SLCO4A1: variants seen among roughly 807,000 people sequenced by gnomAD.
SLCO4A1 encodes solute carrier organic anion transporter family member 4A1.
Under a neutral mutation model 64.6 loss-of-function variants are expected in SLCO4A1, and 51 were observed. That is an observed-to-expected ratio of 0.79 (90% CI 0.63 to 1.00). The LOEUF (loss-of-function observed/expected upper bound fraction) is 1.00, where lower values mean the gene tolerates loss of function less well. SLCO4A1 is among the 50% of genes least tolerant of loss of function. The probability of loss-of-function intolerance (pLI) is 0.00; values close to 1 mark genes in which losing one functional copy is unlikely to be tolerated. For missense variants in SLCO4A1, 919 were observed against 980.5 expected, an observed-to-expected ratio of 0.94 and a Z score of 0.84; for synonymous variants, 471 against 444.9, an observed-to-expected ratio of 1.06 and a Z score of -0.74.
chr20:62,660,303 C>A, intron 3 of SLCO4A1, 109 bp from the exon 4 acceptor site: 1 of 1,340,318 alleles, frequency 7.5e-7, no homozygotes, highest in Non-Finnish European at 1.0e-6. Flanking sequence ...AGCGTGCAGA[C>A]AGACCCTGGA....
Position 62,672,168 on chromosome 20 carries a change from G to A in SLCO4A1, c.*275G>A, listed in dbSNP as rs371564834. The A allele has an allele frequency of 7.6e-5, 102 of 1,342,540 alleles. No individual in the cohort carries two copies. The highest frequency in any genetic ancestry group is 4.4e-4 in the African/African-American group (30 of 67,908). The allele number at this position is 1,342,540 out of a possible 1,614,324, so 83.2% of individuals were successfully genotyped here. A position where few individuals can be genotyped will look rare whatever the true frequency, so the allele number is the denominator to read the frequency against. On this transcript the variant is annotated 3_prime_UTR_variant, in exon 12 of 12. Transcript: ENST00000217159. ...TTATACCCGATCGTGTGTGGTGTGCGTGAGGACAAACTCCGCAGGGGCTGT... is the reference window on the plus strand; with the variant it reads ...TTATACCCGATCGTGTGTGGTGTGCATGAGGACAAACTCCGCAGGGGCTGT...
Position 62,668,039 on chromosome 20 carries a change from C to T in SLCO4A1, c.1666C>T (p.Gln556Ter). 1 of 1,614,070 alleles carries T rather than the reference C, an allele frequency of 6.2e-7. No homozygotes were observed. Among genetic ancestry groups the T allele is most frequent in the Non-Finnish European group, 8.5e-7 (1 of 1,180,054 alleles). Residue 556 changes from glutamine to a stop codon, truncating the protein, a stop_gained, in exon 9 of 12, where the codon CAG becomes TAG. Coordinates refer to ENST00000217159, the MANE Select transcript of SLCO4A1 (RefSeq NM_016354.4). LOFTEE classifies it high-confidence loss of function. ...KVYRDCSCIPQNLSSGFGHAT... is the reference protein window; with the variant it reads ...KVYRDCSCIP ...GTACCGAGACTGTAGCTGTATCCCTCAGAATCTTTCCTCTGGTTTTGGCCA... is the reference window on the plus strand; with the variant it reads ...GTACCGAGACTGTAGCTGTATCCCTTAGAATCTTTCCTCTGGTTTTGGCCA...
chr20:62,689,900 C>T (rs1340591354), downstream of SLCO4A1, among the ~76,000 whole-genome samples: 1 of 152,234 alleles, frequency 6.6e-6, no homozygotes, highest in African/African-American at 2.4e-5. Flanking sequence ...CAGAAATAAT[C>T]ATGAAAGGGG....
chr20:62,655,642 G>A (rs1344794991), intron 1 of SLCO4A1, among the ~76,000 whole-genome samples: 1 of 152,180 alleles, frequency 6.6e-6, no homozygotes, highest in Non-Finnish European at 1.5e-5. Flanking sequence ...CGTTCTCCTG[G>A]TAACTGGTCT....
intron 2 of SLCO4A1, among the ~76,000 whole-genome samples, chr20:62,684,589 A>G (rs1316986940): frequency 1.3e-5 from 2 of 152,160 alleles, no homozygotes; most frequent in African/African-American, 4.8e-5. Context: ...GCACCAGTTC[A>G]GTCCCTAGGG....
intron 4 of SLCO4A1, among the ~76,000 whole-genome samples, 159 bp downstream of exon 4, chr20:62,660,692 G>T (rs1182896158): frequency 6.6e-6 from 1 of 152,178 alleles, no homozygotes; most frequent in Admixed American, 6.5e-5. Context: ...GTGGAGAGAC[G>T]CCTCCTGGCT....
chr20:62,677,252 C>T (rs1416439032), downstream of SLCO4A1, among the ~76,000 whole-genome samples: 1 of 152,174 alleles, frequency 6.6e-6, no homozygotes, highest in Non-Finnish European at 1.5e-5. Flanking sequence ...CTTAAAAAAC[C>T]GAATTGTACA....
At chr20:62,680,136 G>A (rs59030262) in intron 2 of SLCO4A1, among the ~76,000 whole-genome samples, 5 of 152,306 alleles carry the variant, frequency 3.3e-5, no homozygotes, top group African/African-American at 4.8e-5. Context: ...TTCAACGTTC[G>A]TAGAAACTGC....
Position 62,667,669 on chromosome 20 carries a change from T to C in SLCO4A1, c.1473-76T>C. The C allele has an allele frequency of 2.0e-6, 3 of 1,515,298 alleles. No individual in the cohort carries two copies. In the South Asian group the frequency reaches 3.8e-5, roughly 19 times the overall value. The allele number at this position is 1,515,298 out of a possible 1,614,324, so 93.9% of individuals were successfully genotyped here. ...GCAGGCTGCATGGGGACGAGCCCCA[T>C]GGCTGACCCTGTGCCTGCTGGGCGC... On this transcript the variant is annotated intron_variant, in intron 7 of 11. Transcript: ENST00000217159.
At position 62,672,262 on chromosome 20, in the gene SLCO4A1, C is replaced by T; in HGVS notation, c.*369C>T. 1 of 1,173,856 alleles carries T rather than the reference C, an allele frequency of 8.5e-7. No individual in the cohort carries two copies. Among genetic ancestry groups the T allele is most frequent in the African/African-American group, 1.6e-5 (1 of 63,220 alleles). 72.7% of individuals were successfully genotyped at this position (1,173,856 alleles called of 1,614,324 possible). ...TTGTGTGTCCTCAGTTAAAACTGTGCATATCGAAATATATTTTGTTATTTA... is the reference window on the plus strand; with the variant it reads ...TTGTGTGTCCTCAGTTAAAACTGTGTATATCGAAATATATTTTGTTATTTA... On this transcript the variant is annotated 3_prime_UTR_variant, in exon 12 of 12. Transcript: ENST00000217159.
intron 6 of SLCO4A1, chr20:62,665,292 T>G: frequency 1.8e-6 from 1 of 566,128 alleles, no homozygotes; most frequent in Non-Finnish European, 3.0e-6. Context: ...CCTGCCCTCT[T>G]TGTGGGACAT....
Position 62,644,795 on chromosome 20 carries a change from G to A in SLCO4A1, c.-97+2242G>A, listed in dbSNP as rs936747298. Among the ~76,000 whole-genome samples the A allele has an allele frequency of 3.3e-5, 5 of 152,240 alleles. No individual in the cohort carries two copies. Among genetic ancestry groups the A allele is most frequent in the Admixed American group, 6.5e-5 (1 of 15,288 alleles). ...GCTTCCTGGACTCGTCCACTGGAAC[G>A]TGTTGGGTCCTGGTGCTCTCCCCAG... On this transcript the variant is annotated intron_variant, in intron 1 of 11. Coordinates refer to ENST00000217159, the MANE Select transcript of SLCO4A1 (RefSeq NM_016354.4). The surrounding 1 kb of genome is among the most constrained non-coding windows in gnomAD (Gnocchi z 5.4).
At chr20:62,669,417 A>T (rs1986927869) in intron 11 of SLCO4A1, among the ~76,000 whole-genome samples, 1 of 152,222 alleles carries the variant, frequency 6.6e-6, no homozygotes, top group African/African-American at 2.4e-5. Context: ...GCTTTGCAGA[A>T]ATAAGAAGTG....
downstream of SLCO4A1, among the ~76,000 whole-genome samples, chr20:62,674,303 G>T (rs1441285989): frequency 2.0e-5 from 3 of 152,212 alleles, no homozygotes; most frequent in Non-Finnish European, 4.4e-5. Context: ...TGTCCATGGG[G>T]CCCTCGGGGA....
rs527735754 is a variant in SLCO4A1, at chr20:62,655,494, G to C, written c.-96-865G>C. On this transcript the variant is annotated intron_variant, in intron 1 of 11. Coordinates refer to ENST00000217159, the MANE Select transcript of SLCO4A1 (RefSeq NM_016354.4). ...TTCCCCAGAAGGCCTTGGGCAGTAG[G>C]GGGGAGCTGTTGCTCCAGGAATTGG... Among the ~76,000 whole-genome samples, 179 of 152,358 alleles carry C rather than the reference G, an allele frequency of 1.2e-3. 2 individuals are homozygous for C. In the South Asian group the frequency reaches 0.017, roughly 14 times the overall value.
In SLCO4A1 at chr20:62,658,849, T is replaced by C. The variant is rs1984248582; in HGVS notation, c.887+82T>C. The stretch of plus-strand genomic sequence containing the variant: ...GGGGTTCAGAGTCAGCAGGGCCCAC[T>C]CTGAGTCAGGCCGGGCGCGGCGCAG... On this transcript the variant is annotated intron_variant, in intron 3 of 11. Transcript: ENST00000217159. 2.4e-6 allele frequency: 3 copies of C among 1,241,136 alleles called. No homozygotes were observed. In the South Asian group the frequency reaches 3.9e-5, roughly 16 times the overall value. The allele number at this position is 1,241,136 out of a possible 1,614,324, so 76.9% of individuals were successfully genotyped here. A position where few individuals can be genotyped will look rare whatever the true frequency, so the allele number is the denominator to read the frequency against.
In SLCO4A1 at chr20:62,685,438, A is replaced by G; in HGVS notation, n.212-3A>G. 7 of 984,978 alleles carry G rather than the reference A, an allele frequency of 7.1e-6. No individual in the cohort carries two copies. Among genetic ancestry groups the G allele is most frequent in the Non-Finnish European group, 8.4e-6 (7 of 829,540 alleles). The allele number at this position is 984,978 out of a possible 1,614,324, so 61.0% of individuals were successfully genotyped here. A position where few individuals can be genotyped will look rare whatever the true frequency, so the allele number is the denominator to read the frequency against. On this transcript the variant is annotated splice_region_variant and splice_polypyrimidine_tract_variant and intron_variant and non_coding_transcript_variant, in intron 2 of 2. Coordinates refer to the SLCO4A1 transcript ENST00000466818. This position sits in a 1 kb window ranked among gnomAD's most constrained non-coding sequence, Gnocchi z 4.6. The stretch of plus-strand genomic sequence containing the variant: ...TTGCTTTGTTTGTTGTTTTTTTCTT[A>G]AGGAAGAAGAGAATGAATTTAGAAG...
At chr20:62,674,613 T>G (rs951419509), downstream of SLCO4A1, among the ~76,000 whole-genome samples, 1 of 152,216 alleles carries the variant, frequency 6.6e-6, no homozygotes, top group Non-Finnish European at 1.5e-5. Flanking sequence ...GCCCTGTGTG[T>G]TCCCCGATGT....
At chr20:62,660,097 A>G (rs1416731522) in intron 3 of SLCO4A1, among the ~76,000 whole-genome samples, 15 of 152,162 alleles carry the variant, frequency 9.9e-5, no homozygotes, top group Admixed American at 9.8e-4. Context: ...TGTTGCCTGG[A>G]GAGGCTGCTC....
Sources: gnomAD v4.1 joint callset for allele counts (sites outside exome capture counted in the v4.1 genomes callset) on GRCh38, gnomAD v4.1.1 for gene constraint, Gnocchi (gnomAD v3.1) non-coding constraint, MANE v1.5 for transcripts, NCBI Gene and HGNC (gene_info 2026-07-23, HGNC 2026-07-21) for gene names.